The following SMYD3 variants were observed in gnomAD, a reference collection of about 807,000 sequenced individuals.
The protein encoded by SMYD3 is SET and MYND domain containing 3, also known as histone-lysine N-methyltransferase SMYD3.
Under a neutral mutation model 57.7 loss-of-function variants are expected in SMYD3, and 36 were observed. The ratio of observed to expected loss-of-function variants is 0.62; its 90% CI spans 0.48 to 0.82. SMYD3 has a LOEUF of 0.82. Ranked by LOEUF, SMYD3 falls within the 40% of genes least tolerant of loss-of-function variation. The pLI, the probability that SMYD3 is intolerant of heterozygous loss-of-function variation, is 0.00. For missense variants in SMYD3, 515 were observed against 538.8 expected, an observed-to-expected ratio of 0.96 and a Z score of 0.44; for synonymous variants, 211 against 195.0, an observed-to-expected ratio of 1.08 and a Z score of -0.68.
intron 1 of SMYD3, among the ~76,000 whole-genome samples, chr1:246,485,215 A>C (rs2068167666): frequency 3.3e-5 from 5 of 152,016 alleles, no homozygotes; most frequent in Admixed American, 2.0e-4. Context: ...AAATACCTAA[A>C]CTATTGCACT....
chr1:246,052,478 G>T (rs1488556044), intron 5 of SMYD3: 1 of 152,170 alleles, frequency 6.6e-6, no homozygotes, highest in African/African-American at 2.4e-5. Context: ...ATCCTAACAT[G>T]ATTTTCTAAT....
chr1:246,149,778 C>T (rs1055526773), intron 5 of SMYD3, among the ~76,000 whole-genome samples: 4 of 152,176 alleles, frequency 2.6e-5, no homozygotes, highest in Non-Finnish European at 5.9e-5. Context: ...AAATCCTCAT[C>T]CCTTTCAAAA....
At chr1:245,903,742 A>T (rs1194519091) in intron 8 of SMYD3, among the ~76,000 whole-genome samples, 1 of 152,194 alleles carries the variant, frequency 6.6e-6, no homozygotes, top group Non-Finnish European at 1.5e-5. Context: ...TGGGGCTTGC[A>T]TCCCCTGAAA....
chr1:246,387,776 A>T (rs1222619319), intron 1 of SMYD3, among the ~76,000 whole-genome samples: 2 of 152,254 alleles, frequency 1.3e-5, no homozygotes, highest in African/African-American at 2.4e-5. Context: ...TTTGGAAAAA[A>T]TTATATTAAA....
chr1:246,500,052 T>TACATACC (rs60015445), intron 1 of SMYD3, among the ~76,000 whole-genome samples: 1 of 151,076 alleles, frequency 6.6e-6, no homozygotes, highest in African/African-American at 2.4e-5. Flanking sequence ...GATTCTGCAC[T>TACATACC]ACCATCACCA....
rs1475366786 is a variant in SMYD3, at chr1:246,232,186, AG to A, written c.531+95014del. Among the ~76,000 whole-genome samples, 7 of 152,318 alleles carry A rather than the reference AG, an allele frequency of 4.6e-5. No individual in the cohort carries two copies. In the East Asian group the frequency reaches 1.2e-3, roughly 25 times the overall value. ...GTGACATGAAGCTTACTCAGTGGTTAGGGGGTTAATGAATGAAATGGATCAC... is the reference window on the plus strand; with the variant it reads ...GTGACATGAAGCTTACTCAGTGGTTAGGGGTTAATGAATGAAATGGATCAC... On this transcript the variant is annotated intron_variant, in intron 5 of 11. Coordinates refer to ENST00000490107, the MANE Select transcript of SMYD3 (RefSeq NM_001167740.2).
At chr1:245,930,692 A>G (rs1384158606) in intron 5 of SMYD3, 2 of 152,414 alleles carry the variant, frequency 1.3e-5, no homozygotes, top group Non-Finnish European at 2.9e-5. Context: ...TCACTGCTTC[A>G]GACAGGTGCG....
At chr1:246,174,307 AATGTGTTGTCTGTGGAGTT>A (rs1258156388) in intron 5 of SMYD3, among the ~76,000 whole-genome samples, 7 of 152,286 alleles carry the variant, frequency 4.6e-5, no homozygotes, top group Middle Eastern at 3.4e-3. Flanking sequence ...AAACACGAGT[AATGTGTTGTCTGTGGAGTT>A]ATGACAGGTG....
intron 1 of SMYD3, among the ~76,000 whole-genome samples, chr1:246,434,009 T>C (rs571160473): frequency 6.6e-5 from 10 of 152,102 alleles, no homozygotes; most frequent in African/African-American, 2.4e-4. Context: ...TCACCAAAAA[T>C]AAGCAATGGG....
intron 5 of SMYD3, among the ~76,000 whole-genome samples, chr1:246,081,422 T>C (rs185853699): frequency 6.6e-6 from 1 of 152,266 alleles, no homozygotes; most frequent in Non-Finnish European, 1.5e-5. Context: ...AGACAGAGTC[T>C]CACTCTGTCA....
chr1:245,829,478 A>C (rs1316681001), intron 10 of SMYD3, among the ~76,000 whole-genome samples: 1 of 152,164 alleles, frequency 6.6e-6, no homozygotes, highest in African/African-American at 2.4e-5. Flanking sequence ...GAAGACATGT[A>C]ATAACAAGTG....
intron 5 of SMYD3, among the ~76,000 whole-genome samples, chr1:245,962,348 A>G (rs1175920026): frequency 6.6e-6 from 1 of 152,128 alleles, no homozygotes; most frequent in African/African-American, 2.4e-5. Flanking sequence ...AGTATACATG[A>G]AATATTAGAG....
intron 5 of SMYD3, among the ~76,000 whole-genome samples, chr1:246,045,106 T>A (rs953902712): frequency 3.9e-5 from 6 of 152,210 alleles, no homozygotes; most frequent in Non-Finnish European, 2.9e-5. Context: ...ACCAATGACT[T>A]TCTTCACAGA....
chr1:246,188,946 C>G (rs1176106357), intron 5 of SMYD3: 1 of 147,724 alleles, frequency 6.8e-6, no homozygotes, highest in Non-Finnish European at 1.5e-5. Context: ...CGTGACAGAG[C>G]AAGACCCTGT....
chr1:246,036,539 C>CTTTTTTTTT (rs59062672), intron 5 of SMYD3, among the ~76,000 whole-genome samples: 19 of 144,944 alleles, frequency 1.3e-4, no homozygotes, highest in South Asian at 2.2e-4. Flanking sequence ...TTCTTTCTCT[C>CTTTTTTTTT]TTTTTTTTTT....
intron 8 of SMYD3, among the ~76,000 whole-genome samples, chr1:245,910,546 G>A (rs1250294274): frequency 6.6e-6 from 1 of 151,956 alleles, no homozygotes; most frequent in Non-Finnish European, 1.5e-5. Context: ...ATTACAAAAA[G>A]CAAAGTAAGC....
intron 5 of SMYD3, among the ~76,000 whole-genome samples, chr1:245,949,924 C>A (rs1306666201): frequency 6.7e-6 from 1 of 149,356 alleles, no homozygotes; most frequent in African/African-American, 2.5e-5. Flanking sequence ...GAAAAATCCT[C>A]CCCTGTGAAT....
intron 1 of SMYD3, among the ~76,000 whole-genome samples, chr1:246,474,846 A>C (rs2068007329): frequency 6.6e-6 from 1 of 152,106 alleles, no homozygotes; most frequent in Non-Finnish European, 1.5e-5. Context: ...TGTATGAGGA[A>C]ATTCTGTCAA....
At chr1:245,751,541 A>AG (rs1491516019) in intron 11 of SMYD3, among the ~76,000 whole-genome samples, 126 of 127,286 alleles carry the variant, frequency 9.9e-4, no homozygotes, top group South Asian at 7.0e-3. Flanking sequence ...AAAGAGAGAG[A>AG]AAGAGAGAGA....
Sources: gnomAD v4.1 joint callset for allele counts (sites outside exome capture counted in the v4.1 genomes callset) on GRCh38, gnomAD v4.1.1 for gene constraint, MANE v1.5 for transcripts, NCBI Gene and HGNC (gene_info 2026-07-23, HGNC 2026-07-21) for gene names.